ITGB5: variants seen among roughly 807,000 people sequenced by gnomAD.
The protein encoded by ITGB5 is integrin subunit beta 5, also known as integrin beta-5.
In ITGB5, 38 loss-of-function variants were observed where a neutral mutation model predicts 84.8. That is an observed-to-expected ratio of 0.45 (90% CI 0.35 to 0.59). The LOEUF is 0.59. Among genes scored for constraint, ITGB5 ranks in the 20% least tolerant of loss-of-function variants. The pLI, the probability that ITGB5 is intolerant of heterozygous loss-of-function variation, is 0.01. For missense variants in ITGB5, 905 were observed against 1,034.5 expected, an observed-to-expected ratio of 0.87 and a Z score of 1.72; for synonymous variants, 393 against 414.4, an observed-to-expected ratio of 0.95 and a Z score of 0.63.
intron 5 of ITGB5, 118 bp downstream of exon 5, chr3:124,841,265 G>T: frequency 1.1e-6 from 1 of 911,268 alleles, no homozygotes; most frequent in Non-Finnish European, 1.7e-6. Flanking sequence ...TCTGACTTCA[G>T]AGTGGTCAGG....
At chr3:124,854,526 C>T (rs536711403) in intron 3 of ITGB5, among the ~76,000 whole-genome samples, 96 of 152,058 alleles carry the variant, frequency 6.3e-4, no homozygotes, top group Non-Finnish European at 9.0e-4. Flanking sequence ...CATTTTATGA[C>T]GTATAGGAAA....
intron 10 of ITGB5, chr3:124,787,659 A>G (rs2064100451): frequency 6.6e-6 from 1 of 152,182 alleles, no homozygotes; most frequent in Admixed American, 6.5e-5. Flanking sequence ...CTTCAATGAG[A>G]GATTGTTGTT....
At chr3:124,801,377 G>A (rs981880766) in intron 9 of ITGB5, among the ~76,000 whole-genome samples, 11 of 152,152 alleles carry the variant, frequency 7.2e-5, no homozygotes, top group South Asian at 2.1e-4. Flanking sequence ...GATTTAAGCC[G>A]TATTTCTCTT....
At chr3:124,788,845 C>G (rs910795461) in intron 10 of ITGB5, among the ~76,000 whole-genome samples, 2 of 152,178 alleles carry the variant, frequency 1.3e-5, no homozygotes, top group Non-Finnish European at 2.9e-5. Flanking sequence ...CAGAAGCACA[C>G]AGTGGTGGTG....
chr3:124,887,806 C>G (rs1041006153), upstream of ITGB5: 2 of 331,430 alleles, frequency 6.0e-6, no homozygotes, highest in South Asian at 2.2e-5. Flanking sequence ...TGCCGGCGGC[C>G]TGAGATGGGA....
chr3:124,771,786 T>C (rs1475756280), intron 11 of ITGB5, among the ~76,000 whole-genome samples: 1 of 151,416 alleles, frequency 6.6e-6, no homozygotes, highest in African/African-American at 2.4e-5. Context: ...GATATTCCCT[T>C]GTGGCATCTC....
intron 2 of ITGB5, among the ~76,000 whole-genome samples, chr3:124,865,996 T>TTTTG (rs1003299196): frequency 1.3e-5 from 2 of 151,928 alleles, no homozygotes; most frequent in South Asian, 4.2e-4. Context: ...TCCATATATA[T>TTTTG]TTTGTTTGTT....
chr3:124,848,633 A>G, intron 3 of ITGB5, 75 bp from the exon 4 acceptor site: 1 of 1,499,732 alleles, frequency 6.7e-7, no homozygotes, highest in Non-Finnish European at 8.9e-7. Flanking sequence ...ATTTGCTTTC[A>G]AAGCTAGTTT....
intron 3 of ITGB5, among the ~76,000 whole-genome samples, chr3:124,858,549 T>C (rs76780757): frequency 0.012 from 1,758 of 152,264 alleles, 30 homozygotes; most frequent in African/African-American, 0.04. Context: ...AATGAAATAT[T>C]ACTCAGCCAA....
At chr3:124,900,826 A>G (rs1935201500) in intron 1 of ITGB5, among the ~76,000 whole-genome samples, 1 of 152,216 alleles carries the variant, frequency 6.6e-6, no homozygotes, top group Non-Finnish European at 1.5e-5. Flanking sequence ...TTAATTTTGT[A>G]CAATCACCGC....
In ITGB5 at chr3:124,766,230, C is replaced by T. The variant is rs780180657; in HGVS notation, c.2133G>A (p.Glu711=). Residue 711 remains glutamate (E), a synonymous_variant, in exon 13 of 15, where the codon GAG becomes GAA. Transcript: ENST00000296181. The part of the protein sequence containing the change: ...SGKSNLTVLR[E]PECGNTPNAM... Reference sequence around the variant, plus strand: ...GCCCTTGCAGCCCTCACCTACCTGGCTCCCTGAGGACGGTCAGGTTGGACT... The same window carrying T: ...GCCCTTGCAGCCCTCACCTACCTGGTTCCCTGAGGACGGTCAGGTTGGACT... 3 of 1,613,538 alleles carry T rather than the reference C, an allele frequency of 1.9e-6. No homozygotes were observed. Among genetic ancestry groups the T allele is most frequent in the South Asian group, 2.2e-5 (2 of 90,960 alleles).
intron 1 of ITGB5, among the ~76,000 whole-genome samples, chr3:124,899,600 A>G (rs927194758): frequency 2.6e-5 from 4 of 152,164 alleles, no homozygotes; most frequent in African/African-American, 9.7e-5. Flanking sequence ...CACACCTGGA[A>G]TCCAAGCACT....
At chr3:124,820,887 G>C (rs2064691597) in intron 6 of ITGB5, among the ~76,000 whole-genome samples, 1 of 152,102 alleles carries the variant, frequency 6.6e-6, no homozygotes, top group African/African-American at 2.4e-5. Flanking sequence ...AACACTGACA[G>C]GCAACTCACC....
chr3:124,830,675 G>T (rs770301434), intron 5 of ITGB5, among the ~76,000 whole-genome samples: 1 of 152,200 alleles, frequency 6.6e-6, no homozygotes, highest in Non-Finnish European at 1.5e-5. Context: ...CTGCTAAGCA[G>T]CTCTCCTTGA....
chr3:124,855,480 A>G (rs2065211055), intron 3 of ITGB5, among the ~76,000 whole-genome samples: 1 of 152,162 alleles, frequency 6.6e-6, no homozygotes, highest in Admixed American at 6.5e-5. Context: ...GTTTGCCTGT[A>G]CTTCTCTTTG....
chr3:124,869,987 A>C (rs1270444959), intron 2 of ITGB5, among the ~76,000 whole-genome samples: 1 of 152,232 alleles, frequency 6.6e-6, no homozygotes, highest in South Asian at 2.1e-4. Flanking sequence ...AGCCTTGTCC[A>C]CAAGTCCTCT....
intron 10 of ITGB5, among the ~76,000 whole-genome samples, chr3:124,786,402 C>T (rs1489848151): frequency 6.7e-6 from 1 of 149,984 alleles, no homozygotes; most frequent in African/African-American, 2.5e-5. Flanking sequence ...GACCCTGTCT[C>T]TTAAAAAAAA....
chr3:124,830,313 T>A (rs569779143), intron 5 of ITGB5, among the ~76,000 whole-genome samples: 1 of 152,218 alleles, frequency 6.6e-6, no homozygotes, highest in African/African-American at 2.4e-5. Context: ...TTCACCCATA[T>A]GGTAAGGTGG....
chr3:124,871,701 C>T (rs1559980642), intron 2 of ITGB5, among the ~76,000 whole-genome samples: 1 of 151,970 alleles, frequency 6.6e-6, no homozygotes, highest in Non-Finnish European at 1.5e-5. Context: ...GTGGCCCACA[C>T]CTGTAGTCCC....
Sources: gnomAD v4.1 joint callset for allele counts (sites outside exome capture counted in the v4.1 genomes callset) on GRCh38, gnomAD v4.1.1 for gene constraint, MANE v1.5 for transcripts, NCBI Gene and HGNC (gene_info 2026-07-23, HGNC 2026-07-21) for gene names.